Variants in PARD3B observed in about 807,000 individuals in gnomAD.
The protein encoded by PARD3B is partitioning defective 3 homolog B.
Under a neutral mutation model 130.2 loss-of-function variants are expected in PARD3B, and 103 were observed. That is an observed-to-expected ratio of 0.79 (90% CI 0.67 to 0.93). The LOEUF (loss-of-function observed/expected upper bound fraction) is 0.93. Among genes scored for constraint, PARD3B ranks in the 40% least tolerant of loss-of-function variants. PARD3B has a pLI of 0.00. For missense variants in PARD3B, 1,609 were observed against 1,499.2 expected, an observed-to-expected ratio of 1.07 and a Z score of -1.21; for synonymous variants, 583 against 553.2, an observed-to-expected ratio of 1.05 and a Z score of -0.76.
At chr2:205,383,468 T>C (rs1334167648) in intron 18 of PARD3B, among the ~76,000 whole-genome samples, 1 of 152,106 alleles carries the variant, frequency 6.6e-6, no homozygotes, top group Non-Finnish European at 1.5e-5. Flanking sequence ...TTTCTCAAAA[T>C]ACGGTTTTCT....
intron 2 of PARD3B, among the ~76,000 whole-genome samples, chr2:204,927,557 A>G (rs1344748218): frequency 6.6e-6 from 1 of 152,164 alleles, no homozygotes; most frequent in East Asian, 1.9e-4. Context: ...TAACAATAAC[A>G]TAATTCTGTT....
intron 10 of PARD3B, among the ~76,000 whole-genome samples, chr2:205,152,848 A>C (rs1241141148): frequency 6.6e-6 from 1 of 152,166 alleles, no homozygotes; most frequent in African/African-American, 2.4e-5. Context: ...TCTGGTTTTT[A>C]GAATTTTCAG....
At chr2:205,063,719 A>G (rs980722335) in intron 4 of PARD3B, among the ~76,000 whole-genome samples, 7 of 152,196 alleles carry the variant, frequency 4.6e-5, no homozygotes, top group Non-Finnish European at 8.8e-5. Context: ...GTAAATGTCA[A>G]ATTGTTTAGT....
At chr2:204,549,963 A>G (rs2030323515) in intron 1 of PARD3B, among the ~76,000 whole-genome samples, 1 of 152,164 alleles carries the variant, frequency 6.6e-6, no homozygotes, top group Admixed American at 6.5e-5. Context: ...GGAATTTGTT[A>G]GAGTATTTAT....
At chr2:204,780,767 T>C (rs2041807811) in intron 2 of PARD3B, among the ~76,000 whole-genome samples, 1 of 152,042 alleles carries the variant, frequency 6.6e-6, no homozygotes, top group Non-Finnish European at 1.5e-5. Flanking sequence ...GTATTGACAA[T>C]GTGAAGTATC....
chr2:205,518,674 C>CACTGGTCT (rs1236155567), intron 21 of PARD3B, among the ~76,000 whole-genome samples: 2 of 152,114 alleles, frequency 1.3e-5, no homozygotes, highest in Admixed American at 1.3e-4. Context: ...TTTATAGTGA[C>CACTGGTCT]ACTGGTCTGT....
intron 2 of PARD3B, among the ~76,000 whole-genome samples, chr2:204,772,596 G>C (rs966499084): frequency 6.6e-6 from 1 of 152,098 alleles, no homozygotes; most frequent in Non-Finnish European, 1.5e-5. Flanking sequence ...TTTTGTAAGG[G>C]AACAGTTGAC....
At chr2:204,914,960 C>T (rs1486581336) in intron 2 of PARD3B, among the ~76,000 whole-genome samples, 1 of 152,138 alleles carries the variant, frequency 6.6e-6, no homozygotes, top group East Asian at 1.9e-4. Flanking sequence ...ATCCTCAGAA[C>T]GCGAGCCAGA....
At chr2:205,164,772 A>G (rs1466726944) in intron 11 of PARD3B, among the ~76,000 whole-genome samples, 1 of 151,716 alleles carries the variant, frequency 6.6e-6, no homozygotes, top group Non-Finnish European at 1.5e-5. Flanking sequence ...CTTTCCCCTG[A>G]AAAGCTATAT....
chr2:204,639,243 G>A, intron 1 of PARD3B, among the ~76,000 whole-genome samples: 1 of 152,130 alleles, frequency 6.6e-6, no homozygotes, highest in East Asian at 1.9e-4. Context: ...AGTGAAAGAT[G>A]GGGCAGAACA....
In PARD3B at chr2:205,195,456, T is replaced by C. The variant is rs4528737; in HGVS notation, c.2140+2136T>C. Among the ~76,000 whole-genome samples, 1,265 of 152,294 alleles carry C rather than the reference T, an allele frequency of 8.3e-3. 21 individuals are homozygous for C. Among genetic ancestry groups the C allele is most frequent in the African/African-American group, 0.028 (1,183 of 41,550 alleles). ...TTCAGAAGGCCCTGAGAGTCAGCAT[T>C]CTAGTACCATTTTGATCCCTTCTCC... On this transcript the variant is annotated intron_variant, in intron 15 of 22. Transcript: ENST00000406610.
chr2:204,714,039 T>C (rs776639085), intron 2 of PARD3B, among the ~76,000 whole-genome samples: 13 of 152,206 alleles, frequency 8.5e-5, no homozygotes, highest in Non-Finnish European at 1.8e-4. Flanking sequence ...TTATATTTAT[T>C]TTTAAACCCA....
intron 2 of PARD3B, among the ~76,000 whole-genome samples, chr2:204,803,132 A>G (rs1278596694): frequency 7.4e-6 from 1 of 134,698 alleles, no homozygotes; most frequent in African/African-American, 3.0e-5. Context: ...TAATGTATTT[A>G]AAGTGCTGAA....
At position 205,187,951 on chromosome 2, in the gene PARD3B, C is replaced by T. The variant is rs1009227953; in HGVS notation, c.2024+2088C>T. ...ATTTGGTTATTAAGTCATTTATTCA[C>T]TTACTCATCCATTCAAAAGTATTTC... On this transcript the variant is annotated intron_variant, in intron 14 of 22. Transcript: ENST00000406610. The surrounding 1 kb of genome is among the most constrained non-coding windows in gnomAD (Gnocchi z 4.9). Among the ~76,000 whole-genome samples the T allele has an allele frequency of 1.3e-5, 2 of 152,204 alleles. No individual in the cohort carries two copies.
chr2:204,792,265 A>T (rs2042227206), intron 2 of PARD3B, among the ~76,000 whole-genome samples: 1 of 152,244 alleles, frequency 6.6e-6, no homozygotes, highest in Non-Finnish European at 1.5e-5. Context: ...GTAAAAGCAC[A>T]AATATCAGAA....
chr2:204,971,757 TA>T (rs2125178087), intron 3 of PARD3B, among the ~76,000 whole-genome samples: 1 of 152,160 alleles, frequency 6.6e-6, no homozygotes, highest in South Asian at 2.1e-4. Context: ...TGACTATAAC[TA>T]AATCAGGACT....
chr2:204,726,356 C>G (rs1163266407), intron 2 of PARD3B, among the ~76,000 whole-genome samples: 1 of 152,184 alleles, frequency 6.6e-6, no homozygotes, highest in Non-Finnish European at 1.5e-5. Context: ...CTGATCTCAA[C>G]ATTTTCAAGA....
At chr2:205,383,244 A>T (rs1019420692) in intron 18 of PARD3B, among the ~76,000 whole-genome samples, 1 of 152,020 alleles carries the variant, frequency 6.6e-6, no homozygotes, top group Non-Finnish European at 1.5e-5. Context: ...TTCTAATCCA[A>T]TACCACAGTA....
Position 205,440,753 on chromosome 2 carries a change from T to C in PARD3B, c.3044+81T>C, listed in dbSNP as rs2047687332. 1 of 1,400,790 alleles carries C rather than the reference T, an allele frequency of 7.1e-7. No individual in the cohort carries two copies. The highest frequency in any genetic ancestry group is 2.1e-5 in the Admixed American group (1 of 48,440). The allele number at this position is 1,400,790 out of a possible 1,614,324, so 86.8% of individuals were successfully genotyped here. A position where few individuals can be genotyped will look rare whatever the true frequency, so the allele number is the denominator to read the frequency against. On this transcript the variant is annotated intron_variant, in intron 20 of 22. Coordinates refer to ENST00000406610, the MANE Select transcript of PARD3B (RefSeq NM_001302769.2). The surrounding 1 kb of genome is among the most constrained non-coding windows in gnomAD (Gnocchi z 4.2). ...CTCTACTGCTGAAACCGATAAAAAA[T>C]GTCTCCTTCAATCAATTAAAACTGA...
Sources: allele counts gnomAD v4.1 joint callset (sites outside exome capture counted in the v4.1 genomes callset), GRCh38; gene constraint gnomAD v4.1.1; non-coding constraint Gnocchi (gnomAD v3.1); transcripts MANE v1.5; gene names NCBI Gene and HGNC (gene_info 2026-07-23, HGNC 2026-07-21).